The following UBE2L3 variants were observed in gnomAD, a reference collection of about 807,000 sequenced individuals.
UBE2L3 encodes ubiquitin-conjugating enzyme E2 L3.
In UBE2L3, 1 loss-of-function variant was observed where a neutral mutation model predicts 17.8. The ratio of observed to expected loss-of-function variants is 0.06; its 90% CI spans 0.02 to 0.27. UBE2L3 has a LOEUF of 0.27. Among genes scored for constraint, UBE2L3 ranks in the 10% least tolerant of loss-of-function variants. The pLI is 1.00. For synonymous variants in UBE2L3, 44 were observed against 68.5 expected (o/e 0.64, Z 1.76); for missense variants, 40 against 192.6 (o/e 0.21, Z 4.69).
chr22:21,602,881 T>C (rs1051298463), intron 2 of UBE2L3, among the ~76,000 whole-genome samples: 2 of 152,182 alleles, frequency 1.3e-5, no homozygotes, highest in African/African-American at 4.8e-5. Flanking sequence ...TGTGGGGGGT[T>C]GTGTTCCGGG....
At chr22:21,578,962 A>ATTATTTATTTATTTAT (rs201411923) in intron 1 of UBE2L3, among the ~76,000 whole-genome samples, 6 of 147,978 alleles carry the variant, frequency 4.1e-5, no homozygotes, top group African/African-American at 1.5e-4. Context: ...AGCTAAGTGT[A>ATTATTTATTTATTTAT]TTATTTATTT....
chr22:21,576,003 G>A (rs1927270887), intron 1 of UBE2L3, among the ~76,000 whole-genome samples: 1 of 151,932 alleles, frequency 6.6e-6, no homozygotes. Context: ...CTTGCATATT[G>A]TAAACATCCA....
rs1930081577 is a variant in UBE2L3 at position 21,622,490 on chromosome 22, C to T, written c.*821C>T. On this transcript the variant is annotated 3_prime_UTR_variant, in exon 4 of 4. Transcript: ENST00000342192. ...CTCGCCAGAAAGGCTCCTGAGGTCCCAGGTTGGCACTTCTCCCTGCAGCCA... is the reference window on the plus strand; with the variant it reads ...CTCGCCAGAAAGGCTCCTGAGGTCCTAGGTTGGCACTTCTCCCTGCAGCCA... 6.5e-6 allele frequency: 1 copy of T among 152,828 alleles called. No individual in the cohort carries two copies. Among genetic ancestry groups the T allele is most frequent in the Non-Finnish European group, 1.5e-5 (1 of 68,084 alleles). 9.5% of individuals were successfully genotyped at this position (152,828 alleles called of 1,614,324 possible).
intron 2 of UBE2L3, among the ~76,000 whole-genome samples, chr22:21,602,195 A>G (rs1162626931): frequency 6.6e-6 from 1 of 152,152 alleles, no homozygotes; most frequent in African/African-American, 2.4e-5. Flanking sequence ...CCACCAAGCT[A>G]GGCAGAAGTG....
intron 1 of UBE2L3, among the ~76,000 whole-genome samples, chr22:21,575,879 C>T (rs984034108): frequency 3.3e-5 from 5 of 151,800 alleles, no homozygotes; most frequent in East Asian, 2.0e-4. Context: ...TGCCCTCAGG[C>T]GATCCACCCA....
At chr22:21,561,456 C>T (rs1395706770) in intron 1 of UBE2L3, among the ~76,000 whole-genome samples, 1 of 152,272 alleles carries the variant, frequency 6.6e-6, no homozygotes, top group South Asian at 2.1e-4. Flanking sequence ...GAGGTGTGCA[C>T]CTGTAGTTCT....
chr22:21,585,481 CT>C (rs1927885966), intron 1 of UBE2L3, among the ~76,000 whole-genome samples: 1 of 152,230 alleles, frequency 6.6e-6, no homozygotes, highest in African/African-American at 2.4e-5. Context: ...TCTCAGCCCA[CT>C]TCCCACCAGG....
intron 3 of UBE2L3, among the ~76,000 whole-genome samples, chr22:21,611,741 T>C (rs1929492583): frequency 6.6e-6 from 1 of 152,224 alleles, no homozygotes; most frequent in Admixed American, 6.5e-5. Flanking sequence ...TAGTTTGTTA[T>C]GGACTGTGTC....
chr22:21,557,875 A>G (rs969025299), intron 1 of UBE2L3, among the ~76,000 whole-genome samples: 1 of 152,174 alleles, frequency 6.6e-6, no homozygotes, highest in Non-Finnish European at 1.5e-5. Flanking sequence ...TTTTGGTTTA[A>G]TAAAGCATTA....
intron 3 of UBE2L3, among the ~76,000 whole-genome samples, chr22:21,615,708 A>C (rs1181862988): frequency 6.6e-6 from 1 of 152,170 alleles, no homozygotes; most frequent in Non-Finnish European, 1.5e-5. Context: ...TAGCCCCAAA[A>C]TCAATACTCT....
intron 1 of UBE2L3, 150 bp from the exon 2 acceptor site, chr22:21,592,711 C>G: frequency 1.5e-6 from 1 of 672,984 alleles, no homozygotes; most frequent in Non-Finnish European, 2.6e-6. Context: ...TCCATGCCTC[C>G]TTAACCACTC....
chr22:21,587,217 A>T (rs1205760299), intron 1 of UBE2L3, among the ~76,000 whole-genome samples: 1 of 148,202 alleles, frequency 6.7e-6, no homozygotes, highest in African/African-American at 2.5e-5. Flanking sequence ...TTTGAGACGA[A>T]GTCTTGCTCT....
rs184302894 is a variant in UBE2L3, at chr22:21,591,879, C to T, written c.28-982C>T. On this transcript the variant is annotated intron_variant, in intron 1 of 3. Coordinates refer to ENST00000342192, the MANE Select transcript of UBE2L3 (RefSeq NM_003347.4). ...CACTGGATGGGAGGCCGGGCTGAGG[C>T]GGGTAGAGTGGCACTTCATGTGTCA... Among the ~76,000 whole-genome samples, 34 of 152,152 alleles carry T rather than the reference C, an allele frequency of 2.2e-4. No individual in the cohort carries two copies. In the East Asian group the frequency reaches 5.4e-3, roughly 24 times the overall value.
At chr22:21,572,523 T>G (rs905869074) in intron 1 of UBE2L3, among the ~76,000 whole-genome samples, 1 of 152,068 alleles carries the variant, frequency 6.6e-6, no homozygotes, top group African/African-American at 2.4e-5. Flanking sequence ...AGGAGACTGT[T>G]GCTTTAAAAT....
intron 2 of UBE2L3, among the ~76,000 whole-genome samples, chr22:21,598,557 TTTA>T (rs1928684292): frequency 6.7e-6 from 1 of 150,368 alleles, no homozygotes; most frequent in African/African-American, 2.4e-5. Flanking sequence ...TTTTTTTTTT[TTTA>T]AATAAATAGA....
At chr22:21,575,797 C>T (rs1927256678) in intron 1 of UBE2L3, among the ~76,000 whole-genome samples, 1 of 151,070 alleles carries the variant, frequency 6.6e-6, no homozygotes, top group East Asian at 2.0e-4. Flanking sequence ...ATATGCGCCA[C>T]CATACCCGGC....
intron 1 of UBE2L3, among the ~76,000 whole-genome samples, chr22:21,575,223 C>A (rs143130786): frequency 0.011 from 1,626 of 143,066 alleles, 19 homozygotes; most frequent in Admixed American, 0.029. Context: ...CATGCCACTG[C>A]ACTCTGGCCT....
At chr22:21,573,574 C>T (rs1209984402) in intron 1 of UBE2L3, among the ~76,000 whole-genome samples, 1 of 152,150 alleles carries the variant, frequency 6.6e-6, no homozygotes, top group Non-Finnish European at 1.5e-5. Flanking sequence ...GAAAGACCCC[C>T]TCTGACACTG....
At chr22:21,598,211 T>TGTGTGTGTGTG (rs1555885650) in intron 2 of UBE2L3, among the ~76,000 whole-genome samples, 2 of 98,114 alleles carry the variant, frequency 2.0e-5, no homozygotes, top group African/African-American at 6.2e-5. Flanking sequence ...GTGTGTGTGT[T>TGTGTGTGTGTG]TTTCATTTAT....
Sources: gnomAD v4.1 joint callset for allele counts (sites outside exome capture counted in the v4.1 genomes callset) on GRCh38, gnomAD v4.1.1 for gene constraint, MANE v1.5 for transcripts, NCBI Gene and HGNC (gene_info 2026-07-23, HGNC 2026-07-21) for gene names.